PACRG: variants seen among roughly 807,000 people sequenced by gnomAD.
The protein encoded by PACRG is parkin coregulated gene protein.
PACRG carries 29 observed loss-of-function variants against 29.7 expected under a neutral mutation model. The ratio of observed to expected loss-of-function variants is 0.98; its 90% CI spans 0.73 to 1.33. PACRG has a LOEUF of 1.33. Among genes scored for constraint, PACRG ranks in the 40% most tolerant of loss-of-function variants. PACRG has a pLI of 0.00. For missense variants in PACRG, 279 were observed against 316.2 expected, an observed-to-expected ratio of 0.88 and a Z score of 0.89; for synonymous variants, 116 against 118.7, an observed-to-expected ratio of 0.98 and a Z score of 0.15.
At chr6:163,019,577 T>C (rs771149417) in intron 2 of PACRG, among the ~76,000 whole-genome samples, 8 of 152,192 alleles carry the variant, frequency 5.3e-5, no homozygotes, top group South Asian at 4.1e-4. Context: ...GCTTCAAATA[T>C]GGCATCTGTT....
At chr6:162,867,883 G>T (rs1792436885) in intron 2 of PACRG, among the ~76,000 whole-genome samples, 2 of 152,068 alleles carry the variant, frequency 1.3e-5, no homozygotes, top group Non-Finnish European at 2.9e-5. Flanking sequence ...GGCCGACGTT[G>T]GTTTAATTCT....
At chr6:163,084,545 A>G (rs1452220096) in intron 3 of PACRG, among the ~76,000 whole-genome samples, 1 of 152,172 alleles carries the variant, frequency 6.6e-6, no homozygotes, top group Non-Finnish European at 1.5e-5. Flanking sequence ...CAGAAGTTTT[A>G]GAGCCATTAC....
intron 4 of PACRG, among the ~76,000 whole-genome samples, chr6:163,253,212 A>G (rs1009272777): frequency 6.6e-6 from 1 of 151,712 alleles, no homozygotes; most frequent in African/African-American, 2.4e-5. Flanking sequence ...AGGCAGGAGA[A>G]TCATTTGAAC....
At position 162,852,461 on chromosome 6, in the gene PACRG, G is replaced by A. The variant is rs1034505184; in HGVS notation, c.291+38180G>A. Among the ~76,000 whole-genome samples the A allele has an allele frequency of 3.3e-5, 5 of 152,166 alleles. No homozygotes were observed. In the South Asian group the frequency reaches 6.2e-4, roughly 19 times the overall value. ...GGGATGGGGAGCCTCCTTCTCCTGC[G>A]GGACTGTGGAATTTGTCCTGAACCC... On this transcript the variant is annotated intron_variant, in intron 2 of 4. Transcript: ENST00000366888.
chr6:162,885,878 T>C (rs9356073), intron 2 of PACRG, among the ~76,000 whole-genome samples: 31,522 of 152,102 alleles, frequency 0.21, 4,613 homozygotes, highest in African/African-American at 0.4. Context: ...TTAGAGTGCA[T>C]TTCCTAAAAC....
Position 163,248,851 on chromosome 6 carries a change from A to T in PACRG, c.614-65976A>T, listed in dbSNP as rs180884684. On this transcript the variant is annotated intron_variant, in intron 4 of 4. Coordinates refer to ENST00000366888, the MANE Select transcript of PACRG (RefSeq NM_001080379.2). ...AACATGGTGAAACCCCGTTTCTACT[A>T]AAAAAAATACAAACAATTAGCTGGG... Among the ~76,000 whole-genome samples the T allele has an allele frequency of 8.3e-3, 1,262 of 151,608 alleles. 23 individuals are homozygous for T. Among genetic ancestry groups the T allele is most frequent in the African/African-American group, 0.029 (1,200 of 41,358 alleles).
intron 4 of PACRG, among the ~76,000 whole-genome samples, chr6:163,287,319 G>C (rs1471613553): frequency 6.6e-6 from 1 of 152,084 alleles, no homozygotes; most frequent in East Asian, 1.9e-4. Context: ...TTGGAAACCT[G>C]GTCCCCACTG....
At chr6:163,059,250 AT>A (rs1411094112) in intron 2 of PACRG, among the ~76,000 whole-genome samples, 1 of 152,148 alleles carries the variant, frequency 6.6e-6, no homozygotes, top group Non-Finnish European at 1.5e-5. Context: ...TTGTCTTTCA[AT>A]TGCTCCGTCT....
At chr6:163,139,932 C>T (rs914263582) in intron 4 of PACRG, among the ~76,000 whole-genome samples, 15 of 152,116 alleles carry the variant, frequency 9.9e-5, no homozygotes, top group African/African-American at 3.6e-4. Flanking sequence ...CTTTGTTGCT[C>T]CTGCCTGTGA....
intron 4 of PACRG, among the ~76,000 whole-genome samples, chr6:163,288,566 A>C (rs1784474349): frequency 6.6e-6 from 1 of 152,264 alleles, no homozygotes; most frequent in Non-Finnish European, 1.5e-5. Context: ...ATACCTTTGA[A>C]TGGGAACTAA....
chr6:163,091,498 A>G (rs9456833), intron 4 of PACRG, among the ~76,000 whole-genome samples: 2,159 of 152,346 alleles, frequency 0.014, 48 homozygotes, highest in African/African-American at 0.049. Flanking sequence ...AAATGCATGC[A>G]TCAGGAATTC....
chr6:162,903,862 C>T (rs574118303), intron 2 of PACRG, among the ~76,000 whole-genome samples: 25 of 152,236 alleles, frequency 1.6e-4, no homozygotes, highest in Non-Finnish European at 3.4e-4. Context: ...AGGGTGGGCC[C>T]CTGTATCAGT....
chr6:162,779,065 T>G (rs1562588158), intron 1 of PACRG, among the ~76,000 whole-genome samples: 1 of 152,008 alleles, frequency 6.6e-6, no homozygotes, highest in Non-Finnish European at 1.5e-5. Context: ...TGTATGTTGT[T>G]CCCCCACCCC....
intron 2 of PACRG, among the ~76,000 whole-genome samples, chr6:162,820,486 C>T (rs1319145314): frequency 6.6e-6 from 1 of 152,098 alleles, no homozygotes; most frequent in East Asian, 1.9e-4. Flanking sequence ...CTGAGGATAG[C>T]TCATTATCTG....
In PACRG at chr6:163,264,375, C is replaced by T. The variant is rs139035099; in HGVS notation, c.614-50452C>T. On this transcript the variant is annotated intron_variant, in intron 4 of 4. Coordinates refer to ENST00000366888, the MANE Select transcript of PACRG (RefSeq NM_001080379.2). ...GCTCCATCGTCCCTCAGAGTCACTC[C>T]GCATCCACTGCGCACTGCTCTACAC... Among the ~76,000 whole-genome samples, 762 of 152,188 alleles carry T rather than the reference C, an allele frequency of 5.0e-3. 8 individuals carry two copies. Among genetic ancestry groups the T allele is most frequent in the African/African-American group, 0.018 (740 of 41,484 alleles).
intron 4 of PACRG, among the ~76,000 whole-genome samples, chr6:163,112,718 T>G (rs531617217): frequency 2.6e-5 from 4 of 152,140 alleles, no homozygotes; most frequent in African/African-American, 9.7e-5. Context: ...CTCAGGCTGG[T>G]CAACAGCACA....
intron 2 of PACRG, among the ~76,000 whole-genome samples, chr6:162,999,246 C>A (rs998361872): frequency 6.6e-5 from 10 of 152,198 alleles, no homozygotes; most frequent in African/African-American, 2.4e-4. Context: ...AGGAAGCAGT[C>A]AGGGCATCTT....
At chr6:163,299,419 G>A (rs6933215) in intron 4 of PACRG, among the ~76,000 whole-genome samples, 96 of 152,228 alleles carry the variant, frequency 6.3e-4, no homozygotes, top group African/African-American at 1.8e-3. Flanking sequence ...TGACCTGCCC[G>A]CCCTGCCCTG....
intron 1 of PACRG, among the ~76,000 whole-genome samples, chr6:162,792,933 A>G (rs1020738632): frequency 2.6e-5 from 4 of 152,186 alleles, no homozygotes; most frequent in East Asian, 1.9e-4. Flanking sequence ...ACTAAAGGGC[A>G]TGGTGAGTTT....
Sources: allele counts gnomAD v4.1 joint callset (sites outside exome capture counted in the v4.1 genomes callset), GRCh38; gene constraint gnomAD v4.1.1; transcripts MANE v1.5; gene names NCBI Gene and HGNC (gene_info 2026-07-23, HGNC 2026-07-21).